CSNK1D: variants seen among roughly 807,000 people sequenced by gnomAD.
The protein encoded by CSNK1D is casein kinase I isoform delta.
CSNK1D carries 16 observed loss-of-function variants against 46.6 expected under a neutral mutation model. The observed-to-expected ratio is 0.34, with a 90% CI of 0.23 to 0.52. The LOEUF (loss-of-function observed/expected upper bound fraction) is 0.52. Among genes scored for constraint, CSNK1D ranks in the 20% least tolerant of loss-of-function variants. The pLI, the probability that CSNK1D is intolerant of heterozygous loss-of-function variation, is 0.95. For synonymous variants in CSNK1D, 276 were observed against 228.2 expected (o/e 1.21, Z -1.89); for missense variants, 398 against 578.4 (o/e 0.69, Z 3.20).
chr17:82,247,208 T>C (rs1486818926), intron 8 of CSNK1D: 3 of 985,236 alleles, frequency 3.0e-6, no homozygotes, highest in Middle Eastern at 5.2e-4. Flanking sequence ...TATTTCCTCA[T>C]ATGGAAAACG....
chr17:82,269,683 C>T (rs936111069), intron 1 of CSNK1D, among the ~76,000 whole-genome samples: 23 of 152,228 alleles, frequency 1.5e-4, no homozygotes, highest in African/African-American at 5.3e-4. Flanking sequence ...GCCAGGTAAT[C>T]CAGTCCTGCC....
rs114744902 is a variant in CSNK1D, at chr17:82,251,726, C to T, written c.737-199G>A. ...CAAGTCACGGCCGGGTGCGGCGGCT[C>T]ACGCCTGTCACCCCAGCACTCTAGG... On this transcript the variant is annotated intron_variant, in intron 5 of 8. Transcript: ENST00000314028. The surrounding 1 kb of genome is among the most constrained non-coding windows in gnomAD (Gnocchi z 4.5). 3.9e-3 allele frequency: 2,513 copies of T among 639,632 alleles called. 50 individuals are homozygous for T. In the African/African-American group the frequency reaches 0.04, roughly 10 times the overall value. 39.6% of individuals were successfully genotyped at this position (639,632 alleles called of 1,614,324 possible). A position where few individuals can be genotyped will look rare whatever the true frequency, so the allele number is the denominator to read the frequency against.
chr17:82,261,744 T>C (rs928924567), intron 2 of CSNK1D, among the ~76,000 whole-genome samples: 1 of 152,302 alleles, frequency 6.6e-6, no homozygotes, highest in Non-Finnish European at 1.5e-5. Flanking sequence ...GTCCTGGTTG[T>C]TGATTTTAAT....
In CSNK1D at chr17:82,245,828, C is replaced by G. The variant is rs961381748; in HGVS notation, c.1198-997G>C. On this transcript the variant is annotated intron_variant, in intron 8 of 8. Transcript: ENST00000314028. ...CAGCGGACTGCCGCCGCTCTGCACCCCACAAGAAGAACAGAGCAGAAGAAG... is the reference window on the plus strand; with the variant it reads ...CAGCGGACTGCCGCCGCTCTGCACCGCACAAGAAGAACAGAGCAGAAGAAG... The G allele has an allele frequency of 4.8e-6, 4 of 835,670 alleles. No individual in the cohort carries two copies. The African/African-American group carries it at 6.7e-5, about 14-fold the overall frequency. The allele number at this position is 835,670 out of a possible 1,614,324, so 51.8% of individuals were successfully genotyped here. A position where few individuals can be genotyped will look rare whatever the true frequency, so the allele number is the denominator to read the frequency against.
Position 82,273,249 on chromosome 17 carries a change from C to G in CSNK1D, c.76+57G>C, listed in dbSNP as rs1013712953. 6.5e-7 allele frequency: 1 copy of G among 1,547,112 alleles called. No homozygotes were observed. Among genetic ancestry groups the G allele is most frequent in the Non-Finnish European group, 8.8e-7 (1 of 1,141,226 alleles). ...ACTTCCTTCCGCGATCGCGCTTGGT[C>G]TTGGCAGCCGCAGGGCCCGGGTCTT... On this transcript the variant is annotated intron_variant, in intron 1 of 8. Coordinates refer to ENST00000314028, the MANE Select transcript of CSNK1D (RefSeq NM_001893.6). This position sits in a 1 kb window ranked among gnomAD's most constrained non-coding sequence, Gnocchi z 5.1.
intron 8 of CSNK1D, chr17:82,245,872 A>G (rs2050837791): frequency 8.5e-7 from 1 of 1,171,198 alleles, no homozygotes. Flanking sequence ...TACCTCCAGC[A>G]CCTGGCATGC....
In CSNK1D at chr17:82,270,342, C is replaced by A. The variant is rs775741307; in HGVS notation, c.76+2964G>T. Among the ~76,000 whole-genome samples the A allele has an allele frequency of 2.4e-4, 37 of 152,294 alleles. No individual in the cohort carries two copies. In the Middle Eastern group the frequency reaches 0.017, roughly 70 times the overall value. ...CACTCCACTGAAGCACAGCCTTCCC[C>A]CCTTCCTGGTCTCAAACATCTGAAA... On this transcript the variant is annotated intron_variant, in intron 1 of 8. Coordinates refer to ENST00000314028, the MANE Select transcript of CSNK1D (RefSeq NM_001893.6).
chr17:82,250,242 G>A lies in CSNK1D; in HGVS notation c.886-640C>T, dbSNP rs1012847286. On this transcript the variant is annotated intron_variant, in intron 6 of 8. Transcript: ENST00000314028. This position sits in a 1 kb window ranked among gnomAD's most constrained non-coding sequence, Gnocchi z 4.6. ...GCAGGGGCCTGCAAACTACAGCCCCGGGGCCAAACCCAGGTGCCACTTCTT... is the reference window on the plus strand; with the variant it reads ...GCAGGGGCCTGCAAACTACAGCCCCAGGGCCAAACCCAGGTGCCACTTCTT... 19 of 1,282,796 alleles carry A rather than the reference G, an allele frequency of 1.5e-5. No individual in the cohort carries two copies. The highest frequency in any genetic ancestry group is 2.3e-5 in the Admixed American group (1 of 43,492). 79.5% of individuals were successfully genotyped at this position (1,282,796 alleles called of 1,614,324 possible). A position where few individuals can be genotyped will look rare whatever the true frequency, so the allele number is the denominator to read the frequency against.
At chr17:82,246,316 C>A in intron 8 of CSNK1D, 2 of 1,347,526 alleles carry the variant, frequency 1.5e-6, no homozygotes, top group Non-Finnish European at 1.9e-6. Flanking sequence ...ACTAAGAAAA[C>A]CTGATCCCAG....
Position 82,252,182 on chromosome 17 carries a change from C to T in CSNK1D, c.736+252G>A, listed in dbSNP as rs1406538520. 2.0e-5 allele frequency among the ~76,000 whole-genome samples: 3 copies of T among 152,220 alleles called. No individual in the cohort carries two copies. Among genetic ancestry groups the T allele is most frequent in the Admixed American group, 6.5e-5 (1 of 15,292 alleles). On this transcript the variant is annotated intron_variant, in intron 5 of 8. Coordinates refer to ENST00000314028, the MANE Select transcript of CSNK1D (RefSeq NM_001893.6). The surrounding 1 kb of genome is among the most constrained non-coding windows in gnomAD (Gnocchi z 4.6). ...GCCACTTGGGGCCCTGAGGCTCGGG[C>T]CTGCCTTGCCTGCCATCTCTCCAGG...
chr17:82,247,365 G>A (rs1463669140), intron 8 of CSNK1D: 2 of 985,344 alleles, frequency 2.0e-6, no homozygotes, highest in South Asian at 4.7e-5. Context: ...TGGACTCAGG[G>A]CTGTGGCTAC....
In CSNK1D at chr17:82,253,054, G is replaced by A. The variant is rs1441835279; in HGVS notation, c.527C>T (p.Thr176Met). 3 of 1,613,840 alleles carry A rather than the reference G, an allele frequency of 1.9e-6. No homozygotes were observed. Among genetic ancestry groups the A allele is most frequent in the African/African-American group, 1.3e-5 (1 of 74,854 alleles). Residue 176 changes from threonine (T) to methionine (M), a missense_variant, in exon 4 of 9, where the codon ACG (threonine) becomes ATG (methionine). Thr to Met is a moderately conservative substitution (Grantham distance 81). Coordinates refer to ENST00000314028, the MANE Select transcript of CSNK1D (RefSeq NM_001893.6). ...PYRENKNLTGTARYASINTHL... is the reference protein window; with the variant it reads ...PYRENKNLTGMARYASINTHL... ...CGTGTTGATGGAGGCGTACCGCGCC[G>A]TCCCCGTGAGGTTCTTGTTCTCACG...
In CSNK1D at chr17:82,252,904, CT is replaced by C; in HGVS notation, c.565+111del. On this transcript the variant is annotated intron_variant, in intron 4 of 8. Transcript: ENST00000314028. The surrounding 1 kb of genome is among the most constrained non-coding windows in gnomAD (Gnocchi z 4.6). Reference sequence around the variant, plus strand: ...GAGCCAGCCTGTCTGCCGCAAAGGTCTGATGACACGCTTGCAGCCCCAGCTC... The same window carrying C: ...GAGCCAGCCTGTCTGCCGCAAAGGTCGATGACACGCTTGCAGCCCCAGCTC... 9.8e-7 allele frequency: 1 copy of C among 1,023,360 alleles called. No homozygotes were observed. Among genetic ancestry groups the C allele is most frequent in the Non-Finnish European group, 1.5e-6 (1 of 668,152 alleles). The allele number at this position is 1,023,360 out of a possible 1,614,324, so 63.4% of individuals were successfully genotyped here.
intron 2 of CSNK1D, among the ~76,000 whole-genome samples, chr17:82,257,472 A>G (rs2051201462): frequency 6.6e-6 from 1 of 152,146 alleles, no homozygotes; most frequent in Non-Finnish European, 1.5e-5. Flanking sequence ...TTCTACTTCT[A>G]ACAAAAACAG....
At position 82,273,587 on chromosome 17, in the gene CSNK1D, G is replaced by A. The variant is rs371530576; in HGVS notation, c.-206C>T. On this transcript the variant is annotated 5_prime_UTR_variant, in exon 1 of 9. Transcript: ENST00000314028. This position sits in a 1 kb window ranked among gnomAD's most constrained non-coding sequence, Gnocchi z 5.1. ...ATGGGACAGTCCGAGCGCCGCCGCC[G>A]CTGCTCCGGCCCCTACCGGTCCCGC... is the stretch of plus-strand genomic sequence containing the variant. 3.1e-4 allele frequency: 188 copies of A among 605,372 alleles called. No individual in the cohort carries two copies. The highest frequency in any genetic ancestry group is 3.1e-3 in the African/African-American group (155 of 50,718). 37.5% of individuals were successfully genotyped at this position (605,372 alleles called of 1,614,324 possible).
rs1430637968 is a variant in CSNK1D at position 82,255,002 on chromosome 17, G to A, written c.336+427C>T. The A allele has an allele frequency of 3.2e-5, 11 of 344,396 alleles. No individual in the cohort carries two copies. Among genetic ancestry groups the A allele is most frequent in the Admixed American group, 1.8e-4 (4 of 22,232 alleles). The allele number at this position is 344,396 out of a possible 1,614,324, so 21.3% of individuals were successfully genotyped here. A position where few individuals can be genotyped will look rare whatever the true frequency, so the allele number is the denominator to read the frequency against. ...CCAGAAGCCAGTCAGCTGAGCCGCCGGAGCCTCGAGAAGCCAGTGAGCTGA... is the reference window on the plus strand; with the variant it reads ...CCAGAAGCCAGTCAGCTGAGCCGCCAGAGCCTCGAGAAGCCAGTGAGCTGA... On this transcript the variant is annotated intron_variant, in intron 3 of 8. Transcript: ENST00000314028. This position sits in a 1 kb window ranked among gnomAD's most constrained non-coding sequence, Gnocchi z 5.9.
At chr17:82,257,714 A>G (rs1390558059) in intron 2 of CSNK1D, among the ~76,000 whole-genome samples, 3 of 152,250 alleles carry the variant, frequency 2.0e-5, no homozygotes, top group East Asian at 3.8e-4. Context: ...GAACAGATCC[A>G]TGGAACCCAA....
At position 82,248,825 on chromosome 17, in the gene CSNK1D, C is replaced by G. The variant is rs759062021; in HGVS notation, c.1197+50G>C. ...GAGAAACCACAGCCCGCTCTTGACT[C>G]GGACGGGGTAGCCCGAGGCCCAGCG... On this transcript the variant is annotated intron_variant, in intron 8 of 8. Transcript: ENST00000314028. This position sits in a 1 kb window ranked among gnomAD's most constrained non-coding sequence, Gnocchi z 4.1. 3.8e-6 allele frequency: 6 copies of G among 1,585,226 alleles called. No individual in the cohort carries two copies. In the South Asian group the frequency reaches 6.8e-5, roughly 18 times the overall value.
chr17:82,273,476 G>A lies in CSNK1D; in HGVS notation c.-95C>T, dbSNP rs1366422152. 5 of 1,459,396 alleles carry A rather than the reference G, an allele frequency of 3.4e-6. No individual in the cohort carries two copies. The highest frequency in any genetic ancestry group is 2.4e-5 in the South Asian group (2 of 83,754). 90.4% of individuals were successfully genotyped at this position (1,459,396 alleles called of 1,614,324 possible). On this transcript the variant is annotated 5_prime_UTR_variant, in exon 1 of 9. Transcript: ENST00000314028. The surrounding 1 kb of genome is among the most constrained non-coding windows in gnomAD (Gnocchi z 5.1). ...CGCTGCTGCCGCTACTGCGGGTCCG[G>A]CTCCCGGCTCCGCCCCCCTCACGGC...
Sources: gnomAD v4.1 joint callset for allele counts (sites outside exome capture counted in the v4.1 genomes callset) on GRCh38, gnomAD v4.1.1 for gene constraint, Gnocchi (gnomAD v3.1) non-coding constraint, MANE v1.5 for transcripts, NCBI Gene and HGNC (gene_info 2026-07-23, HGNC 2026-07-21) for gene names.